The following NPAS3 variants were observed in gnomAD, a reference collection of about 807,000 sequenced individuals.
NPAS3 encodes neuronal PAS domain protein 3.
Under a neutral mutation model 73.1 loss-of-function variants are expected in NPAS3, and 14 were observed. That is an observed-to-expected ratio of 0.19 (90% confidence interval 0.13 to 0.30). NPAS3 has a LOEUF of 0.30. Ranked by LOEUF, NPAS3 falls within the 10% of genes least tolerant of loss-of-function variation. The probability of loss-of-function intolerance (pLI) is 1.00; values close to 1 mark genes in which losing one functional copy is unlikely to be tolerated. For missense variants in NPAS3, 1,096 were observed against 1,250.0 expected, an observed-to-expected ratio of 0.88 and a Z score of 1.86; for synonymous variants, 620 against 541.5, an observed-to-expected ratio of 1.14 and a Z score of -2.01.
At chr14:33,564,998 G>C (rs1176574651) in intron 5 of NPAS3, among the ~76,000 whole-genome samples, 2 of 152,030 alleles carry the variant, frequency 1.3e-5, no homozygotes, top group African/African-American at 4.8e-5. Flanking sequence ...TTCTCACCAA[G>C]TCCTCACCCT....
intron 5 of NPAS3, among the ~76,000 whole-genome samples, chr14:33,594,820 A>G (rs1442824811): frequency 6.6e-6 from 1 of 152,198 alleles, no homozygotes; most frequent in Non-Finnish European, 1.5e-5. Context: ...TCATCTCGTT[A>G]GTGGATGAAA....
chr14:33,064,192 A>G (rs1370004414), intron 2 of NPAS3, among the ~76,000 whole-genome samples: 1 of 152,220 alleles, frequency 6.6e-6, no homozygotes, highest in African/African-American at 2.4e-5. Context: ...AATTTTCCTT[A>G]TGAAAAATAC....
chr14:33,164,235 A>G (rs938703626), intron 2 of NPAS3, among the ~76,000 whole-genome samples: 4 of 152,180 alleles, frequency 2.6e-5, no homozygotes, highest in Non-Finnish European at 5.9e-5. Flanking sequence ...GAAACATTGG[A>G]TTCAAATTCC....
At chr14:33,550,631 T>A (rs971062946) in intron 4 of NPAS3, among the ~76,000 whole-genome samples, 7 of 152,210 alleles carry the variant, frequency 4.6e-5, no homozygotes, top group Non-Finnish European at 7.3e-5. Flanking sequence ...AGCAGCCAAC[T>A]GTGAAATGAA....
At position 33,566,376 on chromosome 14, in the gene NPAS3, T is replaced by C. The variant is rs118071999; in HGVS notation, c.558+6166T>C. On this transcript the variant is annotated intron_variant, in intron 5 of 11. Transcript: ENST00000356141. ...CTGACTTTGTGCATGTCAAGGTTCCTCCCGGCAGGATCCTTGGGGGAAAAA... is the reference window on the plus strand; with the variant it reads ...CTGACTTTGTGCATGTCAAGGTTCCCCCCGGCAGGATCCTTGGGGGAAAAA... Among the ~76,000 whole-genome samples, 633 of 152,242 alleles carry C rather than the reference T, an allele frequency of 4.2e-3. 4 individuals are homozygous for C. The highest frequency in any genetic ancestry group is 6.7e-3 in the Non-Finnish European group (457 of 68,030).
intron 1 of NPAS3, among the ~76,000 whole-genome samples, chr14:33,048,558 T>G (rs1247381025): frequency 6.6e-6 from 1 of 152,230 alleles, no homozygotes; most frequent in Admixed American, 6.5e-5. Flanking sequence ...ATTTGCCTGC[T>G]GTTCTCTACA....
intron 2 of NPAS3, among the ~76,000 whole-genome samples, chr14:33,104,820 A>G (rs1305052484): frequency 2.0e-5 from 3 of 152,206 alleles, no homozygotes; most frequent in Non-Finnish European, 4.4e-5. Flanking sequence ...ACAATTGAGT[A>G]TGTTCTGCAT....
intron 3 of NPAS3, among the ~76,000 whole-genome samples, chr14:33,282,582 T>A (rs1252863799): frequency 2.0e-5 from 3 of 152,236 alleles, no homozygotes; most frequent in African/African-American, 7.2e-5. Flanking sequence ...TAAAATGGAC[T>A]GGATAAATCA....
At chr14:33,794,198 T>C (rs950582706) in intron 10 of NPAS3, among the ~76,000 whole-genome samples, 154 bp downstream of exon 10, 2 of 152,240 alleles carry the variant, frequency 1.3e-5, no homozygotes, top group Non-Finnish European at 2.9e-5. Flanking sequence ...TTCCACAAGA[T>C]TCAAATAAAT....
At chr14:32,967,522 C>A (rs2037225693) in intron 1 of NPAS3, among the ~76,000 whole-genome samples, 1 of 152,050 alleles carries the variant, frequency 6.6e-6, no homozygotes, top group South Asian at 2.1e-4. Context: ...AAAGAATGGG[C>A]AAGACATCTG....
chr14:33,352,691 C>T (rs780100853), intron 3 of NPAS3, among the ~76,000 whole-genome samples: 1 of 152,166 alleles, frequency 6.6e-6, no homozygotes, highest in South Asian at 2.1e-4. Flanking sequence ...CCAGAATAAA[C>T]ATTTCAAGAT....
At chr14:33,746,884 T>G (rs1015661923) in intron 7 of NPAS3, among the ~76,000 whole-genome samples, 14 of 145,490 alleles carry the variant, frequency 9.6e-5, no homozygotes, top group Non-Finnish European at 3.0e-5. Flanking sequence ...CCCAATGCTA[T>G]CCCTCCCCCG....
At chr14:33,510,028 G>A (rs535062880) in intron 4 of NPAS3, among the ~76,000 whole-genome samples, 9 of 151,974 alleles carry the variant, frequency 5.9e-5, no homozygotes, top group African/African-American at 1.7e-4. Flanking sequence ...CCCCCAGCAC[G>A]CCCCGGGATA....
chr14:33,645,277 T>A (rs1301882228), intron 5 of NPAS3, among the ~76,000 whole-genome samples: 1 of 152,142 alleles, frequency 6.6e-6, no homozygotes, highest in Non-Finnish European at 1.5e-5. Context: ...GGTTCCTGGT[T>A]CCACTCTTGA....
chr14:33,268,981 C>G (rs1372592699), intron 3 of NPAS3, among the ~76,000 whole-genome samples: 2 of 152,150 alleles, frequency 1.3e-5, no homozygotes, highest in Admixed American at 6.5e-5. Context: ...TCATGGCAGA[C>G]TAATGCTTTC....
At chr14:33,005,848 T>C (rs2038983032) in intron 1 of NPAS3, among the ~76,000 whole-genome samples, 1 of 152,214 alleles carries the variant, frequency 6.6e-6, no homozygotes, top group East Asian at 1.9e-4. Flanking sequence ...GGATATTCTT[T>C]TCAGTTTTTC....
intron 7 of NPAS3, among the ~76,000 whole-genome samples, chr14:33,769,745 A>ATTTTTTTT (rs5807743): frequency 2.9e-5 from 3 of 103,338 alleles, no homozygotes; most frequent in African/African-American, 3.8e-5. Context: ...AAAGACTTGG[A>ATTTTTTTT]TTTTTTTTTT....
intron 2 of NPAS3, 81 bp from the exon 3 acceptor site, chr14:33,215,101 A>T: frequency 7.1e-7 from 1 of 1,415,832 alleles, no homozygotes; most frequent in Non-Finnish European, 9.7e-7. Flanking sequence ...GTGGGAAAAA[A>T]GGAAATACAA....
At chr14:33,111,740 C>G (rs1428507855) in intron 2 of NPAS3, among the ~76,000 whole-genome samples, 1 of 151,224 alleles carries the variant, frequency 6.6e-6, no homozygotes, top group Non-Finnish European at 1.5e-5. Context: ...TATACATGTG[C>G]CATGTTGGTG....
Sources: gnomAD v4.1 joint callset for allele counts (sites outside exome capture counted in the v4.1 genomes callset) on GRCh38, gnomAD v4.1.1 for gene constraint, MANE v1.5 for transcripts, NCBI Gene and HGNC (gene_info 2026-07-23, HGNC 2026-07-21) for gene names.